Variants in TRPM1 observed in about 807,000 individuals in gnomAD.
The protein encoded by TRPM1 is transient receptor potential cation channel subfamily M member 1.
In TRPM1, 113 loss-of-function variants were observed where a neutral mutation model predicts 149.4. That is an observed-to-expected ratio of 0.76 (90% CI 0.65 to 0.88). TRPM1 has a LOEUF of 0.88. Ranked by LOEUF, TRPM1 falls within the 40% of genes least tolerant of loss-of-function variation. The pLI is 0.00. For synonymous variants in TRPM1, 741 were observed against 759.5 expected (o/e 0.98, Z 0.40); for missense variants, 1,976 against 2,038.7 (o/e 0.97, Z 0.59).
intron 1 of TRPM1, among the ~76,000 whole-genome samples, chr15:31,095,933 C>G (rs1457382233): frequency 6.6e-6 from 1 of 151,894 alleles, no homozygotes; most frequent in Non-Finnish European, 1.5e-5. Context: ...GTAATCCCAA[C>G]TATTTGGGAG....
intron 1 of TRPM1, among the ~76,000 whole-genome samples, chr15:31,088,344 G>A (rs1021034615): frequency 3.9e-5 from 6 of 152,214 alleles, no homozygotes; most frequent in African/African-American, 1.4e-4. Flanking sequence ...TATTGGTTGT[G>A]GAAGCTTTCT....
intron 1 of TRPM1, among the ~76,000 whole-genome samples, chr15:31,113,861 G>T (rs2338851): frequency 7.3e-5 from 11 of 151,472 alleles, no homozygotes; most frequent in African/African-American, 2.4e-4. Context: ...GCTCCCACAC[G>T]CTGGAAGGGT....
At chr15:31,077,787 G>A (rs1420508357) in intron 2 of TRPM1, among the ~76,000 whole-genome samples, 2 of 151,862 alleles carry the variant, frequency 1.3e-5, no homozygotes, top group Admixed American at 6.6e-5. Flanking sequence ...TGTGTTGTAC[G>A]AGTGCAGAGT....
At chr15:31,026,774 C>T in intron 26 of TRPM1, 141 bp downstream of exon 26, 1 of 851,030 alleles carries the variant, frequency 1.2e-6, no homozygotes, top group East Asian at 2.6e-5. Context: ...AAATGAGAAG[C>T]CTTTTGAAAA....
At chr15:31,089,292 G>C (rs2035146989) in intron 1 of TRPM1, among the ~76,000 whole-genome samples, 1 of 144,164 alleles carries the variant, frequency 6.9e-6, no homozygotes, top group South Asian at 2.1e-4. Context: ...CATTGCCCGG[G>C]AGGGTTTATA....
At chr15:31,161,000 G>T (rs1178133829) in exon 1 of TRPM1, 2 of 1,532,956 alleles carry the variant, frequency 1.3e-6, no homozygotes, top group African/African-American at 1.4e-5. Flanking sequence ...TGACTCCCTC[G>T]GGTGGCCAGG....
chr15:31,151,843 C>A (rs2036308186), intron 1 of TRPM1, among the ~76,000 whole-genome samples: 1 of 152,210 alleles, frequency 6.6e-6, no homozygotes. Flanking sequence ...ATTCCCTGTC[C>A]TCCCACCTCC....
At chr15:31,021,662 C>T (rs1451925784) in intron 27 of TRPM1, among the ~76,000 whole-genome samples, 1 of 149,888 alleles carries the variant, frequency 6.7e-6, no homozygotes, top group East Asian at 2.0e-4. Flanking sequence ...TCCCACTGTA[C>T]TCCAGCCTGG....
chr15:31,072,010 TATATATATAG>T (rs1471797562), intron 3 of TRPM1, among the ~76,000 whole-genome samples: 355 of 30,000 alleles, frequency 0.012, 4 homozygotes, highest in Admixed American at 0.02. Flanking sequence ...TATATATATA[TATATATATAG>T]AGAGAGAGAG....
chr15:31,144,711 G>GTT (rs1567078292), intron 1 of TRPM1, among the ~76,000 whole-genome samples: 29 of 142,924 alleles, frequency 2.0e-4, no homozygotes, highest in African/African-American at 7.5e-4. Flanking sequence ...TTGTTTTTGA[G>GTT]ATTTTTTTTT....
intron 1 of TRPM1, among the ~76,000 whole-genome samples, chr15:31,141,876 A>G (rs2036167341): frequency 1.3e-5 from 2 of 152,182 alleles, no homozygotes; most frequent in South Asian, 4.1e-4. Flanking sequence ...TGCCCTATTT[A>G]TTCAAGGCCA....
chr15:31,075,134 A>G (rs2034656838), intron 3 of TRPM1, among the ~76,000 whole-genome samples: 2 of 152,164 alleles, frequency 1.3e-5, no homozygotes. Flanking sequence ...ACTTGAGAAG[A>G]ATGTGTTTTC....
chr15:31,113,898 A>C (rs1042035482), intron 1 of TRPM1, among the ~76,000 whole-genome samples: 1 of 152,204 alleles, frequency 6.6e-6, no homozygotes, highest in Non-Finnish European at 1.5e-5. Context: ...TTGCTGGCTA[A>C]CGGGTGGGCA....
Position 31,063,233 on chromosome 15 carries a change from ACAC to A in TRPM1, c.847_849del (p.Val283del). On this transcript the variant is annotated inframe_deletion, in exon 8 of 28. Transcript: ENST00000256552. ...TCTTGCAGGTATTCCAAGACGATGG[ACAC>A]CACGTTAGGGCCCCCCTCCACCACG... 6.2e-7 allele frequency: 1 copy of A among 1,614,128 alleles called. No homozygotes were observed. Among genetic ancestry groups the A allele is most frequent in the Non-Finnish European group, 8.5e-7 (1 of 1,180,012 alleles).
chr15:31,061,619 C>G (rs1243251839), intron 9 of TRPM1, 105 bp from the exon 10 acceptor site: 13 of 918,592 alleles, frequency 1.4e-5, no homozygotes, highest in Non-Finnish European at 2.1e-5. Context: ...TAAAATGATC[C>G]TGAGCACTAA....
At chr15:31,053,473 G>A (rs991575079) in intron 11 of TRPM1, among the ~76,000 whole-genome samples, 3 of 150,326 alleles carry the variant, frequency 2.0e-5, no homozygotes, top group Non-Finnish European at 4.4e-5. Context: ...ATGTTGGCCA[G>A]GCTGGTCTCC....
Position 31,099,669 on chromosome 15 carries a change from C to A in TRPM1, c.-84+1988G>T, listed in dbSNP as rs2035470421. On this transcript the variant is annotated intron_variant, in intron 1 of 27. Coordinates refer to ENST00000256552, the MANE Select transcript of TRPM1 (RefSeq NM_001252024.2). ...AACCAAACACAACTCCAAACTTCTC[C>A]CAGAAAATAATCAATAAAACATAAA... 2.0e-5 allele frequency among the ~76,000 whole-genome samples: 3 copies of A among 152,104 alleles called. No homozygotes were observed. In the South Asian group the frequency reaches 6.2e-4, roughly 32 times the overall value.
rs1344878124 is a variant in TRPM1, at chr15:31,160,887, ACTGGCAAAGCTCACTCAC to A, written c.54+1_54+18del. 13 of 1,535,186 alleles carry A rather than the reference ACTGGCAAAGCTCACTCAC, an allele frequency of 8.5e-6. No individual in the cohort carries two copies. The highest frequency in any genetic ancestry group is 1.1e-5 in the Non-Finnish European group (13 of 1,146,564). On this transcript the variant is annotated splice_donor_variant and splice_donor_5th_base_variant and intron_variant, in intron 1 of 26. Transcript: ENST00000542188. LOFTEE classifies it high-confidence loss of function. ...CCTTCCGCCCAGCTGCCCGCAGGCC[ACTGGCAAAGCTCACTCAC>A]CTTCTGCGACCCTGATGTGGAGCTC...
Position 31,002,385 on chromosome 15 carries a change from C to A in TRPM1, c.4315G>T (p.Glu1439Ter). Reference sequence around the variant, plus strand: ...GGGAAATAGCGTGTAATTTTGGTTTCTTCCAGGGGATAGGAAATAGTGCCT... The same window carrying A: ...GGGAAATAGCGTGTAATTTTGGTTTATTCCAGGGGATAGGAAATAGTGCCT... Reference protein sequence around the residue: ...IEGTISYPLEETKITRYFPDE... With the variant: ...IEGTISYPLE Residue 1439 changes from glutamate (E) to a stop codon, truncating the protein, a stop_gained, in exon 28 of 28, where the codon GAA becomes TAA. Coordinates refer to ENST00000256552, the MANE Select transcript of TRPM1 (RefSeq NM_001252024.2). LOFTEE classifies it low-confidence loss of function (END_TRUNC). 1.2e-6 allele frequency: 2 copies of A among 1,614,232 alleles called. No homozygotes were observed. The highest frequency in any genetic ancestry group is 1.7e-6 in the Non-Finnish European group (2 of 1,180,038).
Sources: allele counts gnomAD v4.1 joint callset (sites outside exome capture counted in the v4.1 genomes callset), GRCh38; gene constraint gnomAD v4.1.1; transcripts MANE v1.5; gene names NCBI Gene and HGNC (gene_info 2026-07-23, HGNC 2026-07-21).